The following KCNMB2 variants were observed in gnomAD, a reference collection of about 807,000 sequenced individuals.
KCNMB2 encodes the protein calcium-activated potassium channel subunit beta-2.
KCNMB2 carries 9 observed loss-of-function variants against 24.5 expected under a neutral mutation model. That is an observed-to-expected ratio of 0.37 (90% CI 0.22 to 0.64). KCNMB2 has a LOEUF of 0.64. Among genes scored for constraint, KCNMB2 ranks in the 30% least tolerant of loss-of-function variants. The probability of loss-of-function intolerance (pLI) is 0.63; values close to 1 mark genes in which losing one functional copy is unlikely to be tolerated. For missense variants in KCNMB2, 226 were observed against 284.3 expected (o/e 0.79, Z 1.47); for synonymous variants, 109 against 104.4 (o/e 1.04, Z -0.27).
rs367761992 is a variant in KCNMB2, at chr3:178,772,313, G to A, written c.-67-35030G>A. ...TTTAACTTAGTAGTTGATATGGTTT[G>A]GCTGTGTCCCCAACCAAATCTCATC... On this transcript the variant is annotated intron_variant, in intron 1 of 4. Coordinates refer to ENST00000452583, the MANE Select transcript of KCNMB2 (RefSeq NM_181361.3). Among the ~76,000 whole-genome samples, 54 of 152,256 alleles carry A rather than the reference G, an allele frequency of 3.5e-4. 1 individual carries two copies. The South Asian group carries it at 0.011, about 31-fold the overall frequency.
chr3:178,795,205 T>C (rs1713491178), intron 1 of KCNMB2: 1 of 152,148 alleles, frequency 6.6e-6, no homozygotes, highest in African/African-American at 2.4e-5. Context: ...AAACAATACC[T>C]GGAAAGCAGA....
At chr3:178,725,248 T>C (rs1722930597) in intron 1 of KCNMB2, among the ~76,000 whole-genome samples, 1 of 152,042 alleles carries the variant, frequency 6.6e-6, no homozygotes, top group Non-Finnish European at 1.5e-5. Flanking sequence ...TTACATGTAG[T>C]CTCAGGTATT....
intron 1 of KCNMB2, among the ~76,000 whole-genome samples, chr3:178,794,355 AT>A (rs1713449006): frequency 6.6e-6 from 1 of 152,060 alleles, no homozygotes; most frequent in Admixed American, 6.6e-5. Flanking sequence ...CTCACCTTGG[AT>A]CAGTACCTGA....
intron 1 of KCNMB2, among the ~76,000 whole-genome samples, chr3:178,583,730 TCA>T (rs1278133130): frequency 3.3e-5 from 5 of 152,326 alleles, no homozygotes; most frequent in African/African-American, 1.2e-4. Flanking sequence ...CTTACGCTCT[TCA>T]CAGAGATGTT....
intron 1 of KCNMB2, among the ~76,000 whole-genome samples, chr3:178,559,891 T>G (rs1274280993): frequency 6.7e-6 from 1 of 148,848 alleles, no homozygotes; most frequent in Non-Finnish European, 1.5e-5. Flanking sequence ...TCATTTTCCT[T>G]GCCCATATTT....
chr3:178,676,212 C>T (rs1399207956), intron 1 of KCNMB2, among the ~76,000 whole-genome samples: 2 of 152,140 alleles, frequency 1.3e-5, no homozygotes, highest in Non-Finnish European at 2.9e-5. Flanking sequence ...CTGGAGGCCA[C>T]CCAGGGCATA....
At chr3:178,794,958 T>C (rs1210940186) in intron 1 of KCNMB2, among the ~76,000 whole-genome samples, 1 of 152,080 alleles carries the variant, frequency 6.6e-6, no homozygotes, top group Non-Finnish European at 1.5e-5. Context: ...CCACAGTGCC[T>C]AGGGTGTAAA....
intron 1 of KCNMB2, among the ~76,000 whole-genome samples, chr3:178,545,765 AT>A (rs1715752311): frequency 2.6e-5 from 4 of 151,866 alleles, no homozygotes; most frequent in Non-Finnish European, 5.9e-5. Flanking sequence ...TTGTCTCTGG[AT>A]TGTTTGTTTG....
At chr3:178,741,052 T>A (rs1218447587) in intron 1 of KCNMB2, among the ~76,000 whole-genome samples, 1 of 152,192 alleles carries the variant, frequency 6.6e-6, no homozygotes, top group East Asian at 1.9e-4. Flanking sequence ...GAGAGAAATA[T>A]CCTCGACTGT....
intron 1 of KCNMB2, among the ~76,000 whole-genome samples, chr3:178,760,532 G>T (rs1711807694): frequency 6.9e-6 from 1 of 144,942 alleles, no homozygotes; most frequent in Non-Finnish European, 1.5e-5. Flanking sequence ...GTGTGTGTGT[G>T]TGTTTGTGTA....
At chr3:178,825,823 G>C in intron 3 of KCNMB2, 65 bp downstream of exon 3, 1 of 1,350,088 alleles carries the variant, frequency 7.4e-7, no homozygotes, top group South Asian at 1.3e-5. Flanking sequence ...CCATCACTTA[G>C]GCAACCCTAA....
chr3:178,751,947 AC>A (rs974800903), intron 1 of KCNMB2, among the ~76,000 whole-genome samples: 1 of 152,214 alleles, frequency 6.6e-6, no homozygotes, highest in Non-Finnish European at 1.5e-5. Flanking sequence ...CCTTTTGGCC[AC>A]CTGCCCAAGG....
At chr3:178,822,789 C>T (rs1285909523) in intron 2 of KCNMB2, among the ~76,000 whole-genome samples, 1 of 152,184 alleles carries the variant, frequency 6.6e-6, no homozygotes, top group Non-Finnish European at 1.5e-5. Flanking sequence ...TTTTGAATTA[C>T]ACGTTTGAAT....
rs1047381073 is a variant in KCNMB2, at chr3:178,577,907, G to A, written c.-68+41196G>A. Among the ~76,000 whole-genome samples the A allele has an allele frequency of 2.0e-5, 3 of 152,182 alleles. No homozygotes were observed. In the East Asian group the frequency reaches 5.8e-4, roughly 29 times the overall value. ...AAGACCAATCCTACATTTGATTGGT[G>A]TACCTGAAAGTGACAGGGAGAATGG... On this transcript the variant is annotated intron_variant, in intron 1 of 4. Transcript: ENST00000452583.
At chr3:178,724,545 T>C (rs1459000836) in intron 1 of KCNMB2, among the ~76,000 whole-genome samples, 1 of 152,166 alleles carries the variant, frequency 6.6e-6, no homozygotes, top group African/African-American at 2.4e-5. Context: ...TTCTTGCATT[T>C]GCTTTTAGGG....
chr3:178,598,141 C>T (rs1717944956), intron 1 of KCNMB2, among the ~76,000 whole-genome samples: 1 of 151,974 alleles, frequency 6.6e-6, no homozygotes, highest in Non-Finnish European at 1.5e-5. Context: ...CAGTCAGGTA[C>T]CTGACCATTT....
chr3:178,639,538 A>G (rs556156577), intron 1 of KCNMB2, among the ~76,000 whole-genome samples: 8 of 152,240 alleles, frequency 5.3e-5, no homozygotes, highest in East Asian at 1.9e-4. Context: ...AATAATACTT[A>G]TATGACAAAG....
chr3:178,721,053 C>T (rs1173726475), intron 1 of KCNMB2, among the ~76,000 whole-genome samples: 1 of 152,032 alleles, frequency 6.6e-6, no homozygotes, highest in Non-Finnish European at 1.5e-5. Context: ...CTTGCCCATG[C>T]CTATGTCCTG....
At chr3:178,686,240 T>G (rs1228344448) in intron 1 of KCNMB2, among the ~76,000 whole-genome samples, 5 of 152,184 alleles carry the variant, frequency 3.3e-5, no homozygotes, top group Non-Finnish European at 7.3e-5. Flanking sequence ...ATTTATTTAA[T>G]AAAGTTCTAC....
Sources: gnomAD v4.1 joint callset for allele counts (sites outside exome capture counted in the v4.1 genomes callset) on GRCh38, gnomAD v4.1.1 for gene constraint, MANE v1.5 for transcripts, NCBI Gene and HGNC (gene_info 2026-07-23, HGNC 2026-07-21) for gene names.